LRRC1: variants seen among roughly 807,000 people sequenced by gnomAD.
LRRC1 encodes leucine-rich repeat-containing protein 1.
LRRC1 carries 28 observed loss-of-function variants against 69.9 expected under a neutral mutation model. The ratio of observed to expected loss-of-function variants is 0.40; its 90% confidence interval spans 0.30 to 0.55. LRRC1 has a LOEUF of 0.55. Among genes scored for constraint, LRRC1 ranks in the 20% least tolerant of loss-of-function variants. The pLI, the probability that LRRC1 is intolerant of heterozygous loss-of-function variation, is 0.47. For synonymous variants in LRRC1, 236 were observed against 240.2 expected (o/e 0.98, Z 0.16); for missense variants, 498 against 609.0 (o/e 0.82, Z 1.92).
chr6:53,898,536 T>A (rs1318347332), intron 7 of LRRC1, among the ~76,000 whole-genome samples: 1 of 152,232 alleles, frequency 6.6e-6, no homozygotes. Flanking sequence ...TTCCAATGAT[T>A]GTGCTGTAAA....
chr6:53,811,426 T>C (rs1764790622), intron 1 of LRRC1, among the ~76,000 whole-genome samples: 1 of 152,210 alleles, frequency 6.6e-6, no homozygotes, highest in Admixed American at 6.5e-5. Flanking sequence ...TCATTAGTCA[T>C]GTTGAGAGAA....
chr6:53,805,254 G>A (rs1764604985), intron 1 of LRRC1, among the ~76,000 whole-genome samples: 2 of 152,152 alleles, frequency 1.3e-5, no homozygotes, highest in Non-Finnish European at 2.9e-5. Context: ...GCAGGACTCC[G>A]GCTTTCAGTG....
intron 10 of LRRC1, among the ~76,000 whole-genome samples, chr6:53,912,467 C>T (rs1468503383): frequency 6.6e-6 from 1 of 152,032 alleles, no homozygotes; most frequent in Non-Finnish European, 1.5e-5. Flanking sequence ...TATGTGAATG[C>T]GGAGACTAAA....
rs181777118 is a variant in LRRC1, at chr6:53,902,870, A to G, written c.906+123A>G. On this transcript the variant is annotated intron_variant, in intron 9 of 13. Coordinates refer to ENST00000370888, the MANE Select transcript of LRRC1 (RefSeq NM_018214.5). ...ATCCCAAAACGGTCTTACAAAGCAA[A>G]TGCATGACCTAAAGATCAGTTTTTA... 1.2e-3 allele frequency: 767 copies of G among 627,432 alleles called. 4 individuals are homozygous for G. Among genetic ancestry groups the G allele is most frequent in the African/African-American group, 0.012 (633 of 54,662 alleles). The allele number at this position is 627,432 out of a possible 1,614,324, so 38.9% of individuals were successfully genotyped here.
Position 53,923,113 on chromosome 6 carries a change from C to T in LRRC1, c.*320C>T, listed in dbSNP as rs1436575663. Reference sequence around the variant, plus strand: ...GAAAGCAGGAAGGGGAATTTTTATCCTCCTCCCTTCCGTAAAGTGCTGGGA... The same window carrying T: ...GAAAGCAGGAAGGGGAATTTTTATCTTCCTCCCTTCCGTAAAGTGCTGGGA... On this transcript the variant is annotated 3_prime_UTR_variant, in exon 14 of 14. Coordinates refer to ENST00000370888, the MANE Select transcript of LRRC1 (RefSeq NM_018214.5). 1 of 205,052 alleles carries T rather than the reference C, an allele frequency of 4.9e-6. No homozygotes were observed. Among genetic ancestry groups the T allele is most frequent in the Non-Finnish European group, 9.7e-6 (1 of 102,892 alleles). 12.7% of individuals were successfully genotyped at this position (205,052 alleles called of 1,614,324 possible). A position where few individuals can be genotyped will look rare whatever the true frequency, so the allele number is the denominator to read the frequency against.
intron 13 of LRRC1, among the ~76,000 whole-genome samples, 183 bp downstream of exon 13, chr6:53,920,944 G>A (rs1027533156): frequency 6.6e-6 from 1 of 151,758 alleles, no homozygotes; most frequent in African/African-American, 2.4e-5. Flanking sequence ...GGTAAATGAG[G>A]CAAATGGAAC....
At chr6:53,801,381 A>G (rs1225029367) in intron 1 of LRRC1, among the ~76,000 whole-genome samples, 1 of 152,248 alleles carries the variant, frequency 6.6e-6, no homozygotes, top group Non-Finnish European at 1.5e-5. Context: ...TTATAGTTTT[A>G]TAAGAGCTAA....
intron 1 of LRRC1, among the ~76,000 whole-genome samples, chr6:53,802,484 C>T (rs1323456727): frequency 6.6e-6 from 1 of 152,182 alleles, no homozygotes; most frequent in African/African-American, 2.4e-5. Context: ...ATTGTCCTCC[C>T]TTCTGTGGAC....
chr6:53,920,791 G>A, intron 13 of LRRC1, 30 bp downstream of exon 13: 1 of 1,612,966 alleles, frequency 6.2e-7, no homozygotes, highest in Non-Finnish European at 8.5e-7. Context: ...TTGCCTCTGT[G>A]GAAGTTCAAA....
chr6:53,858,845 GAATA>G (rs1321195671), intron 2 of LRRC1, among the ~76,000 whole-genome samples: 23 of 152,196 alleles, frequency 1.5e-4, no homozygotes, highest in Admixed American at 1.1e-3. Flanking sequence ...GACTGGCAGA[GAATA>G]AATCAGAGAT....
chr6:53,856,910 C>T (rs968168911), intron 2 of LRRC1, among the ~76,000 whole-genome samples: 1 of 152,166 alleles, frequency 6.6e-6, no homozygotes, highest in East Asian at 1.9e-4. Flanking sequence ...ATGAGGACAA[C>T]TAGCTGGTAG....
At chr6:53,863,063 G>A (rs1466470498) in intron 2 of LRRC1, among the ~76,000 whole-genome samples, 1 of 152,206 alleles carries the variant, frequency 6.6e-6, no homozygotes, top group African/African-American at 2.4e-5. Flanking sequence ...TGTACTGAAT[G>A]TACCCAAAGT....
intron 4 of LRRC1, among the ~76,000 whole-genome samples, chr6:53,889,216 T>A (rs1767593935): frequency 6.6e-6 from 1 of 152,140 alleles, no homozygotes; most frequent in Non-Finnish European, 1.5e-5. Flanking sequence ...CAAGTGTTGT[T>A]CAGGATGTAG....
chr6:53,896,697 T>C, intron 5 of LRRC1, 132 bp from the exon 6 acceptor site: 2 of 983,116 alleles, frequency 2.0e-6, no homozygotes, highest in Non-Finnish European at 3.1e-6. Context: ...TTAACAATCC[T>C]TCCTGTGCAA....
chr6:53,817,401 A>C (rs186903148), intron 1 of LRRC1, among the ~76,000 whole-genome samples: 13 of 152,328 alleles, frequency 8.5e-5, no homozygotes, highest in Admixed American at 5.2e-4. Context: ...AAATCAAGCT[A>C]ATTAACATGT....
chr6:53,810,471 T>C (rs1387544375), intron 1 of LRRC1, among the ~76,000 whole-genome samples: 1 of 151,964 alleles, frequency 6.6e-6, no homozygotes, highest in Admixed American at 6.6e-5. Context: ...ATACAAAAAA[T>C]TAGCCGGGCG....
chr6:53,807,614 G>A (rs1002634164), intron 1 of LRRC1, among the ~76,000 whole-genome samples: 8 of 152,040 alleles, frequency 5.3e-5, no homozygotes, highest in South Asian at 2.1e-4. Flanking sequence ...GTGTGGTGGC[G>A]CATGCCTGTA....
intron 2 of LRRC1, among the ~76,000 whole-genome samples, chr6:53,855,208 G>A (rs909793380): frequency 3.3e-5 from 5 of 152,236 alleles, no homozygotes; most frequent in Non-Finnish European, 7.3e-5. Context: ...CTGTATTTAT[G>A]TAACAAAACA....
intron 10 of LRRC1, among the ~76,000 whole-genome samples, chr6:53,905,769 C>T (rs1037811600): frequency 6.6e-6 from 1 of 152,148 alleles, no homozygotes. Flanking sequence ...TAAATGGAGA[C>T]ATGAGAATAT....
Sources: allele counts gnomAD v4.1 joint callset (sites outside exome capture counted in the v4.1 genomes callset), GRCh38; gene constraint gnomAD v4.1.1; transcripts MANE v1.5; gene names NCBI Gene and HGNC (gene_info 2026-07-23, HGNC 2026-07-21).